Variants in WDR49 observed in about 807,000 individuals in gnomAD.
WDR49 encodes WD repeat domain 49.
WDR49 carries 107 observed loss-of-function variants against 119.5 expected under a neutral mutation model. That is an observed-to-expected ratio of 0.90 (90% CI 0.77 to 1.05). WDR49 has a LOEUF of 1.05. WDR49 is among the 50% of genes least tolerant of loss of function. The pLI is 0.00. For synonymous variants in WDR49, 425 were observed against 418.8 expected (o/e 1.01, Z -0.18); for missense variants, 1,240 against 1,220.5 (o/e 1.02, Z -0.24).
intron 11 of WDR49, among the ~76,000 whole-genome samples, chr3:167,533,625 C>G (rs1055225940): frequency 6.6e-6 from 1 of 152,074 alleles, no homozygotes; most frequent in Non-Finnish European, 1.5e-5. Context: ...TGAATATTGT[C>G]TTCTCCAATC....
At chr3:167,501,382 CAAGGTAT>C (rs1338494341) in intron 17 of WDR49, among the ~76,000 whole-genome samples, 1 of 152,064 alleles carries the variant, frequency 6.6e-6, no homozygotes, top group African/African-American at 2.4e-5. Flanking sequence ...GGTTATGCTC[CAAGGTAT>C]AACAATAACA....
intron 2 of WDR49, among the ~76,000 whole-genome samples, chr3:167,643,042 T>C (rs1286462742): frequency 6.6e-6 from 1 of 152,028 alleles, no homozygotes; most frequent in Non-Finnish European, 1.5e-5. Flanking sequence ...TAAGAATCAA[T>C]AGCATTTAAA....
intron 3 of WDR49, among the ~76,000 whole-genome samples, chr3:167,626,552 T>C (rs898732513): frequency 6.6e-6 from 1 of 152,042 alleles, no homozygotes; most frequent in African/African-American, 2.4e-5. Flanking sequence ...CCATGCACTA[T>C]AATAGCCTCT....
chr3:167,537,691 T>C (rs1280813351), intron 10 of WDR49, among the ~76,000 whole-genome samples: 1 of 152,096 alleles, frequency 6.6e-6, no homozygotes, highest in Admixed American at 6.6e-5. Flanking sequence ...TTGTGCCTGG[T>C]GGGGAAGGGA....
intron 9 of WDR49, among the ~76,000 whole-genome samples, chr3:167,558,792 C>T (rs1320282790): frequency 6.6e-6 from 1 of 152,094 alleles, no homozygotes; most frequent in East Asian, 1.9e-4. Context: ...AGTTACTTTC[C>T]AAGATAGAGG....
chr3:167,607,949 A>G (rs1716143946), intron 5 of WDR49, among the ~76,000 whole-genome samples: 1 of 152,146 alleles, frequency 6.6e-6, no homozygotes, highest in Non-Finnish European at 1.5e-5. Flanking sequence ...CGGAGGGAGG[A>G]AAAAAGGAAA....
chr3:167,488,693 A>G (rs1271386113), intron 18 of WDR49, among the ~76,000 whole-genome samples: 1 of 152,064 alleles, frequency 6.6e-6, no homozygotes, highest in Admixed American at 6.6e-5. Context: ...TTAGTGAGAA[A>G]CAGCCAGTGT....
intron 9 of WDR49, 33 bp from the exon 10 acceptor site, chr3:167,554,831 A>G: frequency 6.7e-7 from 1 of 1,496,096 alleles, no homozygotes; most frequent in Non-Finnish European, 9.1e-7. Flanking sequence ...ACTTTGAGAC[A>G]GGAAGGTAAA....
chr3:167,611,796 T>A (rs1716352125), intron 5 of WDR49, among the ~76,000 whole-genome samples: 1 of 152,138 alleles, frequency 6.6e-6, no homozygotes, highest in Admixed American at 6.6e-5. Flanking sequence ...TAAAAAACTT[T>A]AAATAAAAAT....
intron 10 of WDR49, among the ~76,000 whole-genome samples, chr3:167,549,501 G>T (rs531128485): frequency 1.3e-5 from 2 of 152,218 alleles, no homozygotes; most frequent in South Asian, 4.1e-4. Context: ...CTTTTGAGAA[G>T]TGTCTATTCA....
chr3:167,505,481 C>A, intron 16 of WDR49, 65 bp from the exon 17 acceptor site: 1 of 1,412,740 alleles, frequency 7.1e-7, no homozygotes. Context: ...CTCTTTCTGG[C>A]TATGTGTATC....
intron 3 of WDR49, among the ~76,000 whole-genome samples, chr3:167,624,218 G>GA (rs1717008996): frequency 6.6e-6 from 1 of 151,562 alleles, no homozygotes; most frequent in Non-Finnish European, 1.5e-5. Flanking sequence ...AAAATTAAGA[G>GA]AAAAAATTAC....
chr3:167,582,943 AAAAC>A (rs1033837076), intron 7 of WDR49, among the ~76,000 whole-genome samples: 3 of 151,126 alleles, frequency 2.0e-5, no homozygotes, highest in African/African-American at 4.9e-5. Flanking sequence ...ACTTTGTCTC[AAAAC>A]AAACACACAC....
At chr3:167,509,836 T>C (rs1173685819) in intron 16 of WDR49, among the ~76,000 whole-genome samples, 1 of 152,262 alleles carries the variant, frequency 6.6e-6, no homozygotes, top group African/African-American at 2.4e-5. Context: ...CAAGTCATTA[T>C]AAATGTTGTT....
chr3:167,618,332 G>A (rs1716700536), intron 5 of WDR49, among the ~76,000 whole-genome samples: 1 of 152,066 alleles, frequency 6.6e-6, no homozygotes, highest in African/African-American at 2.4e-5. Context: ...GTTTTCTGAG[G>A]GTTGAGTCTA....
At chr3:167,572,785 G>A (rs924795329) in intron 8 of WDR49, among the ~76,000 whole-genome samples, 3 of 152,196 alleles carry the variant, frequency 2.0e-5, no homozygotes, top group African/African-American at 7.2e-5. Context: ...GTAAGTGTGG[G>A]TTGAGATGGC....
At chr3:167,637,798 C>T (rs1353364584) in intron 2 of WDR49, among the ~76,000 whole-genome samples, 5 of 151,600 alleles carry the variant, frequency 3.3e-5, no homozygotes, top group African/African-American at 9.7e-5. Flanking sequence ...TGATTCTCTG[C>T]TTGGTTGCTT....
At chr3:167,516,477 A>G (rs1229184995) in intron 16 of WDR49, among the ~76,000 whole-genome samples, 3 of 151,946 alleles carry the variant, frequency 2.0e-5, no homozygotes, top group Non-Finnish European at 2.9e-5. Context: ...TATATGCCAC[A>G]TTTTCTTAAT....
chr3:167,486,451 T>C (rs575615469), intron 18 of WDR49, among the ~76,000 whole-genome samples: 80 of 152,046 alleles, frequency 5.3e-4, no homozygotes, highest in African/African-American at 1.9e-3. Flanking sequence ...TTAAAAGACA[T>C]AAGGCGGCAT....
Sources: allele counts gnomAD v4.1 joint callset (sites outside exome capture counted in the v4.1 genomes callset), GRCh38; gene constraint gnomAD v4.1.1; transcripts MANE v1.5; gene names NCBI Gene and HGNC (gene_info 2026-07-23, HGNC 2026-07-21).